Variants in ACSM3 observed in about 807,000 individuals in gnomAD.
The protein encoded by ACSM3 is acyl-coenzyme A synthetase ACSM3, mitochondrial.
ACSM3 carries 61 observed loss-of-function variants against 74.1 expected under a neutral mutation model. The observed-to-expected ratio is 0.82, with a 90% CI of 0.67 to 1.02. ACSM3 has a LOEUF of 1.02. ACSM3 is among the 50% of genes least tolerant of loss of function. ACSM3 has a pLI of 0.00. For missense variants in ACSM3, 660 were observed against 697.0 expected (o/e 0.95, Z 0.60); for synonymous variants, 213 against 241.5 (o/e 0.88, Z 1.09).
At chr16:20,789,382 G>T in intron 9 of ACSM3, 14 of 853,058 alleles carry the variant, frequency 1.6e-5, no homozygotes, top group Non-Finnish European at 2.8e-5. Flanking sequence ...TACTTAGCAT[G>T]TATTAAGTAC....
At chr16:20,741,494 C>G (rs745986390) in intron 1 of ACSM3, 2 of 1,032,314 alleles carry the variant, frequency 1.9e-6, no homozygotes, top group African/African-American at 1.7e-5. Flanking sequence ...CGCCCGCCCA[C>G]CCCGGGACCG....
At chr16:20,756,095 C>T (rs1420437824) in intron 3 of ACSM3, among the ~76,000 whole-genome samples, 1 of 152,038 alleles carries the variant, frequency 6.6e-6, no homozygotes, top group African/African-American at 2.4e-5. Context: ...AGTAAACATA[C>T]GTGTGCATGT....
chr16:20,684,949 G>A (rs1004224857), intron 1 of ACSM3, among the ~76,000 whole-genome samples: 8 of 152,106 alleles, frequency 5.3e-5, no homozygotes, highest in African/African-American at 1.7e-4. Flanking sequence ...TTGTGAGGGA[G>A]TATGAGAAAG....
chr16:20,707,473 AC>A (rs1178298587), intron 1 of ACSM3, among the ~76,000 whole-genome samples: 1 of 152,160 alleles, frequency 6.6e-6, no homozygotes, highest in Non-Finnish European at 1.5e-5. Flanking sequence ...AAACCGGACA[AC>A]AGGCCTATTC....
intron 8 of ACSM3, 135 bp downstream of exon 8, chr16:20,785,242 C>T: frequency 1.6e-6 from 2 of 1,247,996 alleles, no homozygotes; most frequent in Non-Finnish European, 2.2e-6. Flanking sequence ...AAAAACAATG[C>T]TTGCAAGAAC....
intron 1 of ACSM3, chr16:20,682,487 T>G (rs2079468279): frequency 6.3e-7 from 1 of 1,598,940 alleles, no homozygotes; most frequent in East Asian, 2.2e-5. Context: ...AGGAACTGAT[T>G]GTTTTGGTTT....
intron 2 of ACSM3, among the ~76,000 whole-genome samples, chr16:20,773,147 C>T (rs1316308241): frequency 6.6e-6 from 1 of 151,960 alleles, no homozygotes; most frequent in Non-Finnish European, 1.5e-5. Flanking sequence ...CTATGTTTTC[C>T]AATTTGTTGG....
chr16:20,750,995 C>T (rs1217394054), intron 2 of ACSM3, among the ~76,000 whole-genome samples: 1 of 152,078 alleles, frequency 6.6e-6, no homozygotes, highest in Admixed American at 6.5e-5. Context: ...CAGGCTCACA[C>T]CACCATGACT....
At chr16:20,757,015 C>T (rs1181674138) in intron 3 of ACSM3, among the ~76,000 whole-genome samples, 1 of 151,440 alleles carries the variant, frequency 6.6e-6, no homozygotes, top group Non-Finnish European at 1.5e-5. Flanking sequence ...GGTACCAGTA[C>T]CATGCTGTTT....
chr16:20,725,313 A>C (rs2079800889), intron 1 of ACSM3: 1 of 207,888 alleles, frequency 4.8e-6, no homozygotes, highest in African/African-American at 2.3e-5. Flanking sequence ...CTCCAGTCAT[A>C]GCCTTTCATT....
At chr16:20,756,788 A>T (rs1284421677) in intron 3 of ACSM3, among the ~76,000 whole-genome samples, 3 of 152,196 alleles carry the variant, frequency 2.0e-5, no homozygotes, top group Non-Finnish European at 4.4e-5. Context: ...TAAGTCTTTA[A>T]TCCAACTTGA....
At chr16:20,737,401 T>G in intron 1 of ACSM3, 1 of 1,046,232 alleles carries the variant, frequency 9.6e-7, no homozygotes, top group Non-Finnish European at 1.3e-6. Flanking sequence ...AATCCACTCT[T>G]CTATGTGGAC....
At chr16:20,689,031 A>C (rs1230537012) in intron 1 of ACSM3, among the ~76,000 whole-genome samples, 1 of 149,276 alleles carries the variant, frequency 6.7e-6, no homozygotes, top group Non-Finnish European at 1.5e-5. Flanking sequence ...TATATTTACA[A>C]TATCTATGTT....
chr16:20,695,605 TTATC>T (rs756341332), intron 1 of ACSM3, among the ~76,000 whole-genome samples: 88 of 152,112 alleles, frequency 5.8e-4, no homozygotes, highest in Non-Finnish European at 2.5e-4. Context: ...TATCATCTAT[TTATC>T]TATCTATTAC....
chr16:20,731,219 T>C (rs1353019848), intron 1 of ACSM3, among the ~76,000 whole-genome samples: 1 of 152,162 alleles, frequency 6.6e-6, no homozygotes. Context: ...ATTGAGACTC[T>C]TCAAACTCCC....
chr16:20,755,786 C>G (rs866889571), intron 3 of ACSM3, among the ~76,000 whole-genome samples: 1,650 of 100,928 alleles, frequency 0.016, 75 homozygotes, highest in South Asian at 0.027. Flanking sequence ...CCCTCCCCCC[C>G]CCCCACCCCA....
At position 20,770,272 on chromosome 16, in the gene ACSM3, T is replaced by C; in HGVS notation, c.219+19T>C. The stretch of plus-strand genomic sequence containing the variant: ...GGAAAAGGTATGGGGGGAGGGCCAG[T>C]CAGACCACAATTTCTCAACTGGGAG... On this transcript the variant is annotated intron_variant, in intron 2 of 13. Coordinates refer to ENST00000289416, the MANE Select transcript of ACSM3 (RefSeq NM_005622.4). 6.3e-7 allele frequency: 1 copy of C among 1,595,846 alleles called. No homozygotes were observed. The highest frequency in any genetic ancestry group is 8.6e-7 in the Non-Finnish European group (1 of 1,163,614).
At chr16:20,725,060 G>A (rs535750590) in intron 1 of ACSM3, among the ~76,000 whole-genome samples, 26 of 152,226 alleles carry the variant, frequency 1.7e-4, no homozygotes, top group African/African-American at 6.3e-4. Flanking sequence ...CCAAAAAAGA[G>A]CCCGCATTGC....
At chr16:20,778,769 T>TA (rs1463187147) in intron 4 of ACSM3, among the ~76,000 whole-genome samples, 1 of 151,916 alleles carries the variant, frequency 6.6e-6, no homozygotes, top group Non-Finnish European at 1.5e-5. Context: ...TTTTTTTTTT[T>TA]AGACGGAGTC....
Sources: gnomAD v4.1 joint callset for allele counts (sites outside exome capture counted in the v4.1 genomes callset) on GRCh38, gnomAD v4.1.1 for gene constraint, MANE v1.5 for transcripts, NCBI Gene and HGNC (gene_info 2026-07-23, HGNC 2026-07-21) for gene names.